The following GABBR2 variants were observed in gnomAD, a reference collection of about 807,000 sequenced individuals.
GABBR2 encodes the protein gamma-aminobutyric acid type B receptor subunit 2.
GABBR2 carries 23 observed loss-of-function variants against 105.6 expected under a neutral mutation model. That is an observed-to-expected ratio of 0.22 (90% CI 0.16 to 0.31). The LOEUF (loss-of-function observed/expected upper bound fraction) is 0.31. GABBR2 is among the 10% of genes least tolerant of loss of function. The pLI is 1.00. For missense variants in GABBR2, 734 were observed against 1,245.5 expected, an observed-to-expected ratio of 0.59 and a Z score of 6.18; for synonymous variants, 478 against 499.7, an observed-to-expected ratio of 0.96 and a Z score of 0.58.
intron 11 of GABBR2, among the ~76,000 whole-genome samples, chr9:98,376,888 A>G (rs1379746722): frequency 2.0e-5 from 3 of 152,076 alleles, no homozygotes; most frequent in Non-Finnish European, 4.4e-5. Flanking sequence ...AATCAGAGAG[A>G]GGTTTCTCCT....
At chr9:98,621,015 A>G (rs574041562) in intron 1 of GABBR2, among the ~76,000 whole-genome samples, 4 of 152,302 alleles carry the variant, frequency 2.6e-5, no homozygotes, top group South Asian at 4.2e-4. Context: ...GGGAAAAAAA[A>G]GCTATTATTG....
At chr9:98,315,162 T>C (rs55813009) in intron 13 of GABBR2, among the ~76,000 whole-genome samples, 1,579 of 152,204 alleles carry the variant, frequency 0.01, 30 homozygotes, top group African/African-American at 0.036. Flanking sequence ...GAAATCTGAA[T>C]TCTTATCTTT....
At chr9:98,663,657 T>A (rs1445622543) in intron 1 of GABBR2, among the ~76,000 whole-genome samples, 23 of 130,182 alleles carry the variant, frequency 1.8e-4, no homozygotes, top group African/African-American at 2.0e-4. Flanking sequence ...GCTGCCCCAC[T>A]AAAAAAAAAA....
At chr9:98,447,063 C>CTCTTTTTT (rs1826143083) in intron 7 of GABBR2, among the ~76,000 whole-genome samples, 1 of 116,360 alleles carries the variant, frequency 8.6e-6, no homozygotes, top group African/African-American at 3.5e-5. Flanking sequence ...AAAAAGACTT[C>CTCTTTTTT]TTTTTTTTTT....
chr9:98,365,472 A>G (rs974422871), intron 12 of GABBR2, among the ~76,000 whole-genome samples: 1 of 152,252 alleles, frequency 6.6e-6, no homozygotes, highest in Non-Finnish European at 1.5e-5. Context: ...TGGTGGGAAG[A>G]TGCTGAGAAT....
rs759044661 is a variant in GABBR2, at chr9:98,454,172, C to T, written c.1045G>A (p.Val349Met). Reference protein sequence around the residue: ...EREYNNKRSGVGPSKFHGYAY... With the variant: ...EREYNNKRSGMGPSKFHGYAY... Reference sequence around the variant, plus strand: ...TACCCGTGGAACTTGCTGGGCCCCACGCCTGACCGCTTGTTGTTGTACTCT... The same window carrying T: ...TACCCGTGGAACTTGCTGGGCCCCATGCCTGACCGCTTGTTGTTGTACTCT... The change falls in exon 7 of 19, where the codon GTG becomes ATG. Residue 349 changes from valine to methionine, a missense_variant. Coordinates refer to ENST00000259455, the MANE Select transcript of GABBR2 (RefSeq NM_005458.8). This position sits in a 1 kb window ranked among gnomAD's most constrained non-coding sequence, Gnocchi z 4.6. 6.2e-6 allele frequency: 10 copies of T among 1,613,974 alleles called. No homozygotes were observed. The highest frequency in any genetic ancestry group is 2.2e-5 in the East Asian group (1 of 44,886).
At chr9:98,360,772 G>C (rs1273557017) in intron 13 of GABBR2, among the ~76,000 whole-genome samples, 1 of 152,236 alleles carries the variant, frequency 6.6e-6, no homozygotes, top group Non-Finnish European at 1.5e-5. Flanking sequence ...CAGTAGGACA[G>C]GCATCCCCAC....
At chr9:98,403,288 C>A (rs1214586189) in intron 8 of GABBR2, among the ~76,000 whole-genome samples, 7 of 85,714 alleles carry the variant, frequency 8.2e-5, no homozygotes, top group Non-Finnish European at 1.5e-4. Flanking sequence ...AGTGAGACTC[C>A]GTCTCAAAAA....
chr9:98,506,726 A>T (rs1827519661), intron 3 of GABBR2, among the ~76,000 whole-genome samples: 1 of 152,128 alleles, frequency 6.6e-6, no homozygotes, highest in South Asian at 2.1e-4. Context: ...AATGGCAGAG[A>T]GTGTCAGGCA....
intron 1 of GABBR2, among the ~76,000 whole-genome samples, chr9:98,661,106 G>A (rs1013332760): frequency 1.4e-4 from 22 of 152,108 alleles, no homozygotes; most frequent in Non-Finnish European, 2.2e-4. Context: ...ATGGGGTTTC[G>A]CCATTTGGCC....
At chr9:98,676,023 T>C (rs1307884397) in intron 1 of GABBR2, among the ~76,000 whole-genome samples, 1 of 152,190 alleles carries the variant, frequency 6.6e-6, no homozygotes, top group African/African-American at 2.4e-5. Flanking sequence ...AACCTGTGGA[T>C]ATGTTACCTT....
At chr9:98,372,057 G>A (rs115078691) in intron 11 of GABBR2, among the ~76,000 whole-genome samples, 1,572 of 152,338 alleles carry the variant, frequency 0.01, 23 homozygotes, top group African/African-American at 0.036. Flanking sequence ...CCCACACTTA[G>A]ACCTTGGTCC....
At chr9:98,570,096 A>G (rs1828806848) in intron 2 of GABBR2, among the ~76,000 whole-genome samples, 1 of 152,158 alleles carries the variant, frequency 6.6e-6, no homozygotes, top group Non-Finnish European at 1.5e-5. Context: ...CAATACCTCT[A>G]CACACATAGA....
rs574771107 is a variant in GABBR2, at chr9:98,492,349, TAAAAAA to T, written c.732+4058_732+4063del. Among the ~76,000 whole-genome samples, 54 of 29,220 alleles carry T rather than the reference TAAAAAA, an allele frequency of 1.8e-3. 1 individual carries two copies. Among genetic ancestry groups the T allele is most frequent in the South Asian group, 0.017 (5 of 290 alleles). 19.2% of individuals were successfully genotyped at this position (29,220 alleles called of 152,430 possible). On this transcript the variant is annotated intron_variant, in intron 4 of 18. Transcript: ENST00000259455. ...GAGCCCGCTTAAGTTTGTTTCCTAG[TAAAAAA>T]AAAAAAAAAAAAAAAAAAAAAATTC...
chr9:98,499,641 A>G (rs968201997), intron 3 of GABBR2, among the ~76,000 whole-genome samples: 1 of 152,276 alleles, frequency 6.6e-6, no homozygotes, highest in African/African-American at 2.4e-5. Context: ...ACAAGGGAAA[A>G]CAATTTACAT....
chr9:98,648,356 C>A (rs988579858), intron 1 of GABBR2, among the ~76,000 whole-genome samples: 6 of 152,160 alleles, frequency 3.9e-5, no homozygotes, highest in Non-Finnish European at 5.9e-5. Context: ...TGGTCTCGAA[C>A]CCCTGACCTC....
At chr9:98,513,829 C>T (rs1827702906) in intron 3 of GABBR2, among the ~76,000 whole-genome samples, 1 of 152,116 alleles carries the variant, frequency 6.6e-6, no homozygotes, top group Non-Finnish European at 1.5e-5. Flanking sequence ...CTAGTTCAAC[C>T]ATTGTGGAAG....
intron 14 of GABBR2, among the ~76,000 whole-genome samples, chr9:98,309,742 G>A (rs934123105): frequency 6.6e-6 from 1 of 152,180 alleles, no homozygotes; most frequent in African/African-American, 2.4e-5. Flanking sequence ...CACCCCCAGG[G>A]TCATTACCTT....
chr9:98,671,690 G>A (rs1485619768), intron 1 of GABBR2, among the ~76,000 whole-genome samples: 2 of 152,086 alleles, frequency 1.3e-5, no homozygotes, highest in Non-Finnish European at 2.9e-5. Context: ...CATCCTGGTG[G>A]GTGTGAAGTG....
Sources: gnomAD v4.1 joint callset for allele counts (sites outside exome capture counted in the v4.1 genomes callset) on GRCh38, gnomAD v4.1.1 for gene constraint, Gnocchi (gnomAD v3.1) non-coding constraint, MANE v1.5 for transcripts, NCBI Gene and HGNC (gene_info 2026-07-23, HGNC 2026-07-21) for gene names.